The following ANXA6 variants were observed in gnomAD, a reference collection of about 807,000 sequenced individuals.
The protein encoded by ANXA6 is annexin A6, also known as 67 kDa calelectrin.
ANXA6 carries 71 observed loss-of-function variants against 95.4 expected under a neutral mutation model. That is an observed-to-expected ratio of 0.74 (90% CI 0.61 to 0.91). ANXA6 has a LOEUF of 0.91. ANXA6 is among the 40% of genes least tolerant of loss of function. The probability of loss-of-function intolerance (pLI) is 0.00; values close to 1 mark genes in which losing one functional copy is unlikely to be tolerated. For synonymous variants in ANXA6, 289 were observed against 315.9 expected (o/e 0.91, Z 0.90); for missense variants, 830 against 876.4 (o/e 0.95, Z 0.67).
At chr5:151,149,659 G>A (rs902192767) in intron 1 of ANXA6, among the ~76,000 whole-genome samples, 13 of 152,086 alleles carry the variant, frequency 8.5e-5, no homozygotes, top group Admixed American at 1.3e-4. Context: ...GCTAATTTTC[G>A]TATTTTTAGT....
intron 6 of ANXA6, 145 bp from the exon 7 acceptor site, chr5:151,136,480 A>G (rs1233167100): frequency 7.4e-6 from 5 of 673,796 alleles, no homozygotes; most frequent in Non-Finnish European, 1.3e-5. Flanking sequence ...GACCCAGGGT[A>G]TATTTTCACA....
At chr5:151,128,846 G>A in intron 12 of ANXA6, among the ~76,000 whole-genome samples, 1 of 150,640 alleles carries the variant, frequency 6.6e-6, no homozygotes, top group East Asian at 1.9e-4. Flanking sequence ...AGAACATTTT[G>A]CACATAACAC....
chr5:151,117,304 G>A (rs1414259123), intron 19 of ANXA6, 124 bp from the exon 20 acceptor site: 5 of 917,856 alleles, frequency 5.4e-6, no homozygotes, highest in Admixed American at 3.1e-5. Flanking sequence ...ACACAGGGAC[G>A]AAAATCCTGC....
At chr5:151,139,286 G>A (rs938777308) in intron 4 of ANXA6, 67 bp downstream of exon 4, 9 of 1,178,912 alleles carry the variant, frequency 7.6e-6, no homozygotes, top group Middle Eastern at 2.0e-4. Context: ...TAACCTGAAC[G>A]AGCACACAGG....
intron 21 of ANXA6, 33 bp downstream of exon 21, chr5:151,110,594 C>G (rs554703518): frequency 6.2e-7 from 1 of 1,611,762 alleles, no homozygotes; most frequent in East Asian, 2.2e-5. Flanking sequence ...ACTCAGAGGC[C>G]GTTAAAACCC....
intron 7 of ANXA6, among the ~76,000 whole-genome samples, chr5:151,135,901 T>C (rs1314148501): frequency 2.0e-5 from 3 of 152,194 alleles, no homozygotes; most frequent in African/African-American, 7.2e-5. Context: ...CTTTGTGATA[T>C]ACTTTGGGCG....
At chr5:151,101,558 T>A in intron 25 of ANXA6, 51 bp from the exon 26 acceptor site, 1 of 1,478,304 alleles carries the variant, frequency 6.8e-7, no homozygotes, top group South Asian at 1.2e-5. Flanking sequence ...CCAGTCTCAA[T>A]GCCCCCTCCT....
chr5:151,108,511 T>C lies in ANXA6; in HGVS notation c.1724A>G (p.Glu575Gly). 1.9e-6 allele frequency: 3 copies of C among 1,613,940 alleles called. No homozygotes were observed. The highest frequency in any genetic ancestry group is 2.5e-6 in the Non-Finnish European group (3 of 1,179,862). Residue 575 changes from glutamate (E) to glycine (G), a missense_variant, in exon 23 of 26, where the codon GAG becomes GGG. Coordinates refer to ENST00000354546, the MANE Select transcript of ANXA6 (RefSeq NM_001155.5). The part of the protein sequence containing the change: ...EFIKMTNYDV[E>G]HTIKKEMSGD... Reference sequence around the variant, plus strand: ...AGACATCTCCTTCTTGATGGTGTGCTCCACGTCATAGTTGGTCATCTTGAT... The same window carrying C: ...AGACATCTCCTTCTTGATGGTGTGCCCCACGTCATAGTTGGTCATCTTGAT...
At chr5:151,141,742 C>G (rs1444506676) in intron 2 of ANXA6, 9 of 983,920 alleles carry the variant, frequency 9.1e-6, no homozygotes, top group African/African-American at 3.5e-5. Context: ...ACACAGCTCT[C>G]TTCCTGCCAC....
intron 17 of ANXA6, among the ~76,000 whole-genome samples, chr5:151,119,831 A>G (rs1302277379): frequency 6.6e-6 from 1 of 152,152 alleles, no homozygotes; most frequent in Admixed American, 6.5e-5. Flanking sequence ...CACAGTGAAC[A>G]TGTATTATTT....
chr5:151,121,276 A>C (rs1765159754), intron 17 of ANXA6, among the ~76,000 whole-genome samples: 1 of 152,178 alleles, frequency 6.6e-6, no homozygotes, highest in East Asian at 1.9e-4. Flanking sequence ...CTTAACCTCC[A>C]AGTCTCAGTT....
chr5:151,144,919 C>T (rs1233677478), intron 2 of ANXA6, among the ~76,000 whole-genome samples: 1 of 152,112 alleles, frequency 6.6e-6, no homozygotes, highest in Non-Finnish European at 1.5e-5. Context: ...GACAGCCCCT[C>T]AAATCATCCA....
chr5:151,155,438 T>C (rs1360883771), intron 1 of ANXA6: 1 of 152,086 alleles, frequency 6.6e-6, no homozygotes, highest in East Asian at 1.9e-4. Context: ...AAGGAACCTA[T>C]AGACAGTCAC....
chr5:151,126,371 G>C (rs1468488467), intron 14 of ANXA6, 31 bp downstream of exon 14: 2 of 1,578,262 alleles, frequency 1.3e-6, no homozygotes. Flanking sequence ...CTGTGGTCAA[G>C]AGGTCAAGCA....
intron 1 of ANXA6, chr5:151,151,488 C>T (rs1582021899): frequency 6.6e-6 from 1 of 152,294 alleles, no homozygotes; most frequent in Non-Finnish European, 1.5e-5. Flanking sequence ...CCCCACACAA[C>T]TGTGGGTCTT....
chr5:151,152,388 C>T (rs1766129439), intron 1 of ANXA6, among the ~76,000 whole-genome samples: 2 of 152,246 alleles, frequency 1.3e-5, no homozygotes, highest in Non-Finnish European at 2.9e-5. Flanking sequence ...TGGTCGATGC[C>T]CAAGTTCAAA....
chr5:151,125,440 C>CA (rs1765291438), intron 14 of ANXA6, among the ~76,000 whole-genome samples: 1 of 151,218 alleles, frequency 6.6e-6, no homozygotes, highest in Non-Finnish European at 1.5e-5. Context: ...CAATTTACCA[C>CA]AAAAATCAAC....
intron 11 of ANXA6, among the ~76,000 whole-genome samples, chr5:151,130,424 T>C (rs1765462561): frequency 6.6e-6 from 1 of 152,088 alleles, no homozygotes; most frequent in Admixed American, 6.5e-5. Flanking sequence ...CTAGTTCTAT[T>C]TGTTATTTTT....
intron 20 of ANXA6, among the ~76,000 whole-genome samples, chr5:151,112,227 G>A (rs983638634): frequency 7.2e-5 from 11 of 152,096 alleles, no homozygotes; most frequent in African/African-American, 2.7e-4. Flanking sequence ...GATAAGGAGA[G>A]TTTCCATTTA....
Sources: allele counts gnomAD v4.1 joint callset (sites outside exome capture counted in the v4.1 genomes callset), GRCh38; gene constraint gnomAD v4.1.1; transcripts MANE v1.5; gene names NCBI Gene and HGNC (gene_info 2026-07-23, HGNC 2026-07-21).